The following OR1J2 variants were observed in gnomAD, a reference collection of about 807,000 sequenced individuals.
The protein encoded by OR1J2 is olfactory receptor 1J2.
For missense variants in OR1J2, 304 were observed against 246.1 expected (o/e 1.24, Z -1.57); for synonymous variants, 142 against 99.7 (o/e 1.42, Z -2.52).
the OR1J2 span, among the ~76,000 whole-genome samples, chr9:122,483,359 A>G: frequency 6.6e-6 from 1 of 152,222 alleles, no homozygotes; most frequent in Admixed American, 6.5e-5. Context: ...ATTGTTCAAT[A>G]GCCAATAACT....
the OR1J2 span, among the ~76,000 whole-genome samples, chr9:122,496,880 T>A: frequency 6.6e-6 from 1 of 152,188 alleles, no homozygotes; most frequent in Non-Finnish European, 1.5e-5. Flanking sequence ...AGTTTCCAGC[T>A]TGACTATTCC....
chr9:122,496,220 G>A, the OR1J2 span, among the ~76,000 whole-genome samples: 1 of 152,144 alleles, frequency 6.6e-6, no homozygotes, highest in Admixed American at 6.5e-5. Flanking sequence ...CCTATGGGGA[G>A]GATGCAAACT....
the OR1J2 span, among the ~76,000 whole-genome samples, chr9:122,542,919 T>A: frequency 1.6e-3 from 243 of 152,338 alleles, 1 homozygote; most frequent in African/African-American, 5.7e-3. Context: ...TGTTTGAGAT[T>A]TATCCACGTT....
At chr9:122,461,880 A>C in the OR1J2 span, among the ~76,000 whole-genome samples, 1 of 152,152 alleles carries the variant, frequency 6.6e-6, no homozygotes, top group Non-Finnish European at 1.5e-5. Context: ...GATGAATAGA[A>C]TATATATTCT....
At chr9:122,460,281 A>G in the OR1J2 span, among the ~76,000 whole-genome samples, 1 of 151,588 alleles carries the variant, frequency 6.6e-6, no homozygotes, top group Non-Finnish European at 1.5e-5. Context: ...TCTTGAGTTG[A>G]TTTTTGTATA....
At chr9:122,492,233 T>C in the OR1J2 span, among the ~76,000 whole-genome samples, 1 of 152,168 alleles carries the variant, frequency 6.6e-6, no homozygotes, top group Non-Finnish European at 1.5e-5. Context: ...CTCTCACTTA[T>C]AAGTGAGAAC....
the OR1J2 span, among the ~76,000 whole-genome samples, chr9:122,452,353 G>T: frequency 6.6e-6 from 1 of 152,148 alleles, no homozygotes; most frequent in Non-Finnish European, 1.5e-5. Context: ...GTTGCTCTGA[G>T]GGAGTAGCAG....
chr9:122,484,231 G>A, the OR1J2 span, among the ~76,000 whole-genome samples: 1 of 151,840 alleles, frequency 6.6e-6, no homozygotes, highest in African/African-American at 2.4e-5. Flanking sequence ...GTGCGATCTC[G>A]GCTCACTGCA....
At chr9:122,526,048 T>C in the OR1J2 span, among the ~76,000 whole-genome samples, 1 of 152,132 alleles carries the variant, frequency 6.6e-6, no homozygotes, top group South Asian at 2.1e-4. Flanking sequence ...AGAGAAAAGA[T>C]TTTTTGACTT....
downstream of OR1J2, chr9:122,511,766 G>T (rs1301839386): frequency 1.3e-6 from 1 of 779,070 alleles, no homozygotes; most frequent in Non-Finnish European, 2.4e-6. Context: ...TAAAAAATTA[G>T]AATCTCATTT....
the OR1J2 span, among the ~76,000 whole-genome samples, chr9:122,454,635 A>G: frequency 2.0e-5 from 3 of 152,144 alleles, no homozygotes; most frequent in Non-Finnish European, 4.4e-5. Flanking sequence ...TGGTTCAGCT[A>G]TCCTGCCCTC....
the OR1J2 span, among the ~76,000 whole-genome samples, chr9:122,453,333 C>T: frequency 9.0e-4 from 137 of 152,314 alleles, 1 homozygote; most frequent in Non-Finnish European, 9.3e-4. Flanking sequence ...AGTGAGTTTC[C>T]TGGGAGAGAA....
the OR1J2 span, among the ~76,000 whole-genome samples, chr9:122,547,657 G>GTA: frequency 6.8e-6 from 1 of 147,812 alleles, no homozygotes; most frequent in South Asian, 2.1e-4. Context: ...GTGTGTGTGT[G>GTA]TACATACACA....
At chr9:122,574,754 C>T in the OR1J2 span, among the ~76,000 whole-genome samples, 6 of 152,026 alleles carry the variant, frequency 3.9e-5, no homozygotes, top group African/African-American at 9.7e-5. Context: ...AGGGAGCATT[C>T]TTATCTTGTT....
chr9:122,553,608 C>T, the OR1J2 span: 2 of 1,614,138 alleles, frequency 1.2e-6, no homozygotes, highest in Non-Finnish European at 1.7e-6. Context: ...CTGCCAACCA[C>T]TCCATTACAG....
At chr9:122,545,952 C>A in the OR1J2 span, among the ~76,000 whole-genome samples, 2 of 151,666 alleles carry the variant, frequency 1.3e-5, no homozygotes, top group East Asian at 3.9e-4. Context: ...TTCCTGCCCT[C>A]CTCCCTGTCC....
At chr9:122,525,735 C>T in the OR1J2 span, among the ~76,000 whole-genome samples, 1 of 152,134 alleles carries the variant, frequency 6.6e-6, no homozygotes, top group Non-Finnish European at 1.5e-5. Context: ...ATTAGCCAAC[C>T]GTGGGGTGGG....
chr9:122,550,047 T>C, the OR1J2 span, among the ~76,000 whole-genome samples: 2 of 147,060 alleles, frequency 1.4e-5, no homozygotes, highest in Admixed American at 1.4e-4. Context: ...TTCAGTGTTT[T>C]GTAGTTTTTC....
chr9:122,519,598 G>C, the OR1J2 span: 2 of 1,614,024 alleles, frequency 1.2e-6, no homozygotes, highest in Non-Finnish European at 1.7e-6. Flanking sequence ...ATCCTCTCCT[G>C]TACCAATGCC....
Sources: allele counts gnomAD v4.1 joint callset (sites outside exome capture counted in the v4.1 genomes callset), GRCh38; gene constraint gnomAD v4.1.1; transcripts MANE v1.5; gene names NCBI Gene and HGNC (gene_info 2026-07-23, HGNC 2026-07-21).